CDH12: variants seen among roughly 807,000 people sequenced by gnomAD.
CDH12 encodes cadherin-12.
A neutral mutation model predicts 74.1 loss-of-function variants in CDH12; 41 were observed. The ratio of observed to expected loss-of-function variants is 0.55; its 90% CI spans 0.43 to 0.72. The LOEUF is 0.72. CDH12 is among the 30% of genes least tolerant of loss of function. The pLI is 0.00. For missense variants in CDH12, 945 were observed against 977.2 expected, an observed-to-expected ratio of 0.97 and a Z score of 0.44; for synonymous variants, 399 against 355.0, an observed-to-expected ratio of 1.12 and a Z score of -1.39.
intron 1 of CDH12, among the ~76,000 whole-genome samples, chr5:22,848,678 T>C (rs1737415425): frequency 6.6e-6 from 1 of 152,172 alleles, no homozygotes; most frequent in African/African-American, 2.4e-5. Flanking sequence ...TGTTTGAAAA[T>C]GTCTCTACTT....
chr5:22,297,023 T>C (rs1368543609), intron 3 of CDH12, among the ~76,000 whole-genome samples: 1 of 152,008 alleles, frequency 6.6e-6, no homozygotes, highest in African/African-American at 2.4e-5. Context: ...TCGTTGTTGT[T>C]GTTGTTGTTG....
intron 1 of CDH12, among the ~76,000 whole-genome samples, chr5:22,788,966 A>T (rs143868413): frequency 0.025 from 3,844 of 152,012 alleles, 72 homozygotes; most frequent in Non-Finnish European, 0.037. Context: ...AACTCAAATG[A>T]TGCATATTTC....
intron 1 of CDH12, among the ~76,000 whole-genome samples, chr5:22,579,024 T>C (rs1739942032): frequency 6.6e-6 from 1 of 152,192 alleles, no homozygotes; most frequent in East Asian, 1.9e-4. Flanking sequence ...ATTAGAGATA[T>C]AACAAAGGCC....
intron 5 of CDH12, among the ~76,000 whole-genome samples, chr5:22,036,942 T>C (rs1259560145): frequency 6.6e-6 from 1 of 152,200 alleles, no homozygotes; most frequent in Non-Finnish European, 1.5e-5. Flanking sequence ...TCTTAAGAAG[T>C]ATGGAATAAA....
chr5:22,433,932 G>A lies in CDH12; in HGVS notation c.-427-28581C>T, dbSNP rs112631603. 4.9e-3 allele frequency among the ~76,000 whole-genome samples: 752 copies of A among 152,264 alleles called. 8 individuals are homozygous for A. Among genetic ancestry groups the A allele is most frequent in the African/African-American group, 0.017 (716 of 41,552 alleles). Reference sequence around the variant, plus strand: ...AGGAATTTAGATAATATGCAGTATAGCTGTCTGGTTAAGGAACCTATTTCC... The same window carrying A: ...AGGAATTTAGATAATATGCAGTATAACTGTCTGGTTAAGGAACCTATTTCC... On this transcript the variant is annotated intron_variant, in intron 2 of 14. Coordinates refer to ENST00000382254, the MANE Select transcript of CDH12 (RefSeq NM_004061.5).
intron 8 of CDH12, among the ~76,000 whole-genome samples, chr5:21,833,396 A>T (rs1749329640): frequency 1.1e-5 from 1 of 93,256 alleles, no homozygotes. Context: ...ATTAATATCT[A>T]TTAATATATT....
At chr5:22,180,881 T>C (rs1404925634) in intron 4 of CDH12, among the ~76,000 whole-genome samples, 1 of 152,164 alleles carries the variant, frequency 6.6e-6, no homozygotes, top group East Asian at 1.9e-4. Context: ...TTATATCTAG[T>C]TGTCCTGCTT....
chr5:22,216,677 G>C (rs1344407982), intron 3 of CDH12, among the ~76,000 whole-genome samples: 14 of 151,910 alleles, frequency 9.2e-5, no homozygotes, highest in Admixed American at 8.5e-4. Flanking sequence ...AATCATGGAG[G>C]CTGAATGACT....
intron 5 of CDH12, among the ~76,000 whole-genome samples, chr5:22,074,258 A>C (rs953769006): frequency 7.2e-5 from 11 of 152,182 alleles, no homozygotes; most frequent in Non-Finnish European, 1.2e-4. Context: ...CTGGCTAGCC[A>C]CATGTAGAAA....
chr5:22,806,844 T>G (rs1748842499), intron 1 of CDH12, among the ~76,000 whole-genome samples: 1 of 152,208 alleles, frequency 6.6e-6, no homozygotes, highest in Admixed American at 6.5e-5. Context: ...GTAAATTTGT[T>G]TAAGTTATTT....
rs868058511 is a variant in CDH12 at position 22,461,216 on chromosome 5, C to T, written c.-428+44054G>A. ...CTAATTTTTGTATTTTTAGTAGAGA[C>T]GAGGTTTCACCATGCTGGCCAGGGT... On this transcript the variant is annotated intron_variant, in intron 2 of 14. Transcript: ENST00000382254. Among the ~76,000 whole-genome samples, 8 of 151,200 alleles carry T rather than the reference C, an allele frequency of 5.3e-5. No homozygotes were observed. The South Asian group carries it at 6.3e-4, about 12-fold the overall frequency.
chr5:22,359,994 G>C (rs929158929), intron 3 of CDH12, among the ~76,000 whole-genome samples: 1 of 152,000 alleles, frequency 6.6e-6, no homozygotes, highest in Non-Finnish European at 1.5e-5. Context: ...ATCTAAAATT[G>C]ACACCCTAAC....
rs568782414 is a variant in CDH12, at chr5:22,621,902, T to A, written c.-522-116538A>T. On this transcript the variant is annotated intron_variant, in intron 1 of 14. Coordinates refer to ENST00000382254, the MANE Select transcript of CDH12 (RefSeq NM_004061.5). ...AAACTAGGCTCTGGTACAATCATTTTCAATGGAATTTTACCAAATATTTAA... is the reference window on the plus strand; with the variant it reads ...AAACTAGGCTCTGGTACAATCATTTACAATGGAATTTTACCAAATATTTAA... 2.0e-3 allele frequency among the ~76,000 whole-genome samples: 310 copies of A among 152,218 alleles called. 4 individuals carry two copies. In the South Asian group the frequency reaches 0.036, roughly 18 times the overall value.
chr5:22,162,425 T>A (rs957000678), intron 4 of CDH12, among the ~76,000 whole-genome samples: 29 of 152,256 alleles, frequency 1.9e-4, no homozygotes, highest in Non-Finnish European at 4.0e-4. Context: ...GTTCCTTATT[T>A]TGGTGTTACA....
intron 4 of CDH12, among the ~76,000 whole-genome samples, chr5:22,154,130 T>C (rs1454303683): frequency 6.7e-6 from 1 of 150,304 alleles, no homozygotes; most frequent in Non-Finnish European, 1.5e-5. Flanking sequence ...AATATATTTA[T>C]GTATGCTGTA....
chr5:22,662,851 T>G (rs1740421099), intron 1 of CDH12, among the ~76,000 whole-genome samples: 1 of 152,180 alleles, frequency 6.6e-6, no homozygotes, highest in Non-Finnish European at 1.5e-5. Context: ...TACATAATTA[T>G]AACTAGTCAG....
chr5:21,818,793 TTAAA>T lies in CDH12; in HGVS notation c.815-1665_815-1662del, dbSNP rs200218858. ...CTTTCTCAAAAATGCACTTAAAAGTTTAAATAAATAAAAAAATAAACATTATAGA... is the reference window on the plus strand; with the variant it reads ...CTTTCTCAAAAATGCACTTAAAAGTTTAAATAAAAAAATAAACATTATAGA... On this transcript the variant is annotated intron_variant, in intron 8 of 14. Coordinates refer to ENST00000382254, the MANE Select transcript of CDH12 (RefSeq NM_004061.5). Among the ~76,000 whole-genome samples, 700 of 151,890 alleles carry T rather than the reference TTAAA, an allele frequency of 4.6e-3. 5 individuals carry two copies. Among genetic ancestry groups the T allele is most frequent in the African/African-American group, 0.016 (664 of 41,494 alleles).
chr5:22,191,319 C>A (rs1026570552), intron 4 of CDH12, among the ~76,000 whole-genome samples: 1 of 152,100 alleles, frequency 6.6e-6, no homozygotes, highest in Non-Finnish European at 1.5e-5. Flanking sequence ...TCACTCTTAG[C>A]GCTTTCCTCA....
At chr5:22,852,641 G>C (rs1036194969) in intron 1 of CDH12, among the ~76,000 whole-genome samples, 3 of 152,144 alleles carry the variant, frequency 2.0e-5, no homozygotes, top group Non-Finnish European at 4.4e-5. Context: ...ATGAGTGAGG[G>C]GGGTCGGCAT....
Sources: allele counts gnomAD v4.1 joint callset (sites outside exome capture counted in the v4.1 genomes callset), GRCh38; gene constraint gnomAD v4.1.1; transcripts MANE v1.5; gene names NCBI Gene and HGNC (gene_info 2026-07-23, HGNC 2026-07-21).